Variants in CNTN4 observed in about 807,000 individuals in gnomAD.
CNTN4 encodes contactin 4.
CNTN4 carries 77 observed loss-of-function variants against 122.5 expected under a neutral mutation model. The observed-to-expected ratio is 0.63, with a 90% CI of 0.52 to 0.76. The LOEUF (loss-of-function observed/expected upper bound fraction) is 0.76, where lower values mean the gene tolerates loss of function less well. Among genes scored for constraint, CNTN4 ranks in the 30% least tolerant of loss-of-function variants. The pLI is 0.00. For missense variants in CNTN4, 1,256 were observed against 1,259.1 expected, an observed-to-expected ratio of 1.00 and a Z score of 0.04; for synonymous variants, 512 against 447.0, an observed-to-expected ratio of 1.15 and a Z score of -1.83.
At chr3:3,044,797 G>A (rs557898771) in intron 23 of CNTN4, among the ~76,000 whole-genome samples, 1 of 152,354 alleles carries the variant, frequency 6.6e-6, no homozygotes, top group East Asian at 1.9e-4. Flanking sequence ...AGCATAAGCT[G>A]AAGCAGGGCG....
At chr3:2,162,052 A>T (rs2035987444) in intron 2 of CNTN4, among the ~76,000 whole-genome samples, 1 of 152,156 alleles carries the variant, frequency 6.6e-6, no homozygotes, top group Admixed American at 6.5e-5. Flanking sequence ...AAATTTTTTA[A>T]TTTAGTTTTA....
intron 7 of CNTN4, among the ~76,000 whole-genome samples, chr3:2,834,586 G>T (rs2093174798): frequency 6.6e-6 from 1 of 151,972 alleles, no homozygotes; most frequent in Non-Finnish European, 1.5e-5. Flanking sequence ...ACAAACTACA[G>T]CAACAACAAA....
intron 3 of CNTN4, among the ~76,000 whole-genome samples, chr3:2,458,812 T>A (rs985976230): frequency 2.6e-5 from 4 of 152,178 alleles, no homozygotes; most frequent in African/African-American, 9.7e-5. Context: ...GTGGAGCTCA[T>A]AAATTTCTAG....
chr3:3,046,734 A>C (rs556140831), intron 23 of CNTN4, among the ~76,000 whole-genome samples: 13 of 152,202 alleles, frequency 8.5e-5, no homozygotes, highest in African/African-American at 2.2e-4. Context: ...CGAGCAAAAT[A>C]ACCAGCTAAC....
chr3:2,567,169 C>G (rs563928485), intron 3 of CNTN4, among the ~76,000 whole-genome samples: 224 of 151,096 alleles, frequency 1.5e-3, no homozygotes, highest in Middle Eastern at 6.9e-3. Context: ...TCACTGCAAC[C>G]TCCGCCTCCT....
At chr3:2,594,686 CTGGGATTACAGGCA>C (rs1173460548) in intron 4 of CNTN4, among the ~76,000 whole-genome samples, 1 of 152,064 alleles carries the variant, frequency 6.6e-6, no homozygotes, top group Non-Finnish European at 1.5e-5. Context: ...TCCCAAAGTG[CTGGGATTACAGGCA>C]TGAGCCACCG....
At chr3:2,661,708 A>G (rs150943705) in intron 4 of CNTN4, among the ~76,000 whole-genome samples, 1 of 149,222 alleles carries the variant, frequency 6.7e-6, no homozygotes, top group Non-Finnish European at 1.5e-5. Context: ...GCTGCTCAGG[A>G]GGCTGAGGCA....
chr3:2,629,169 TATA>T (rs1301246174), intron 4 of CNTN4, among the ~76,000 whole-genome samples: 1 of 152,014 alleles, frequency 6.6e-6, no homozygotes, highest in Non-Finnish European at 1.5e-5. Flanking sequence ...TTGCCGTCTT[TATA>T]ATAAGGGGAA....
At chr3:2,848,540 T>C (rs2093494309) in intron 7 of CNTN4, among the ~76,000 whole-genome samples, 1 of 152,226 alleles carries the variant, frequency 6.6e-6, no homozygotes, top group South Asian at 2.1e-4. Context: ...ATTCTTTTGG[T>C]TGCAAGTGCC....
At chr3:2,647,916 A>C (rs1200792201) in intron 4 of CNTN4, among the ~76,000 whole-genome samples, 1 of 152,212 alleles carries the variant, frequency 6.6e-6, no homozygotes, top group Non-Finnish European at 1.5e-5. Flanking sequence ...TTTGTTGTTA[A>C]ACCAATATGT....
chr3:2,834,841 T>C (rs2093181952), intron 7 of CNTN4, among the ~76,000 whole-genome samples: 1 of 151,026 alleles, frequency 6.6e-6, no homozygotes, highest in South Asian at 2.1e-4. Flanking sequence ...GGCAGAATTA[T>C]TAGTTTTAGA....
At position 2,463,469 on chromosome 3, in the gene CNTN4, G is replaced by A. The variant is rs376472473; in HGVS notation, c.-88-107947G>A. On this transcript the variant is annotated intron_variant, in intron 3 of 24. Coordinates refer to ENST00000418658, the MANE Select transcript of CNTN4 (RefSeq NM_175607.3). The stretch of plus-strand genomic sequence containing the variant: ...ATACTGTTTTTTGGTTCATGTGAAA[G>A]ATATTATTGGCCAGGTGCGGTGGCC... 4.6e-5 allele frequency among the ~76,000 whole-genome samples: 7 copies of A among 152,258 alleles called. No individual in the cohort carries two copies. In the South Asian group the frequency reaches 8.3e-4, roughly 18 times the overall value.
intron 2 of CNTN4, among the ~76,000 whole-genome samples, chr3:2,164,794 A>T (rs982986746): frequency 1.3e-5 from 2 of 152,180 alleles, no homozygotes; most frequent in Non-Finnish European, 2.9e-5. Flanking sequence ...CTCATGTTTG[A>T]CGGAAAAATG....
chr3:2,881,929 A>C (rs187042436), intron 8 of CNTN4, among the ~76,000 whole-genome samples: 207 of 152,342 alleles, frequency 1.4e-3, no homozygotes, highest in African/African-American at 4.7e-3. Context: ...CTATCTTTTT[A>C]TAGTAAGCCA....
At chr3:2,450,427 ATAGGAGC>A (rs1371748037) in intron 3 of CNTN4, among the ~76,000 whole-genome samples, 2 of 152,070 alleles carry the variant, frequency 1.3e-5, no homozygotes, top group Non-Finnish European at 2.9e-5. Context: ...AGGTGTGTGT[ATAGGAGC>A]TAGGAGATAG....
intron 7 of CNTN4, among the ~76,000 whole-genome samples, chr3:2,833,874 T>TCA (rs1440640006): frequency 1.3e-5 from 2 of 152,160 alleles, no homozygotes; most frequent in Non-Finnish European, 1.5e-5. Flanking sequence ...GCGAGGTGGC[T>TCA]CACACCTATA....
intron 3 of CNTN4, among the ~76,000 whole-genome samples, chr3:2,507,085 G>T (rs1489474040): frequency 6.6e-6 from 1 of 152,162 alleles, no homozygotes; most frequent in South Asian, 2.1e-4. Context: ...AAACAGTTTA[G>T]TACAGCTACT....
At chr3:2,819,265 T>C (rs777471263) in intron 6 of CNTN4, among the ~76,000 whole-genome samples, 2 of 152,116 alleles carry the variant, frequency 1.3e-5, no homozygotes, top group South Asian at 2.1e-4. Flanking sequence ...TAAATCTAAA[T>C]AGGCACGTGT....
At position 2,249,068 on chromosome 3, in the gene CNTN4, A is replaced by G. The variant is rs552601575; in HGVS notation, c.-144-90110A>G. Among the ~76,000 whole-genome samples, 6 of 152,106 alleles carry G rather than the reference A, an allele frequency of 3.9e-5. No homozygotes were observed. In the South Asian group the frequency reaches 6.2e-4, roughly 16 times the overall value. On this transcript the variant is annotated intron_variant, in intron 2 of 24. Coordinates refer to ENST00000418658, the MANE Select transcript of CNTN4 (RefSeq NM_175607.3). ...AAAATTGTACCCTGACCTCATTACT[A>G]TACATTACATATATTGAAACATCAC...
Sources: allele counts gnomAD v4.1 joint callset (sites outside exome capture counted in the v4.1 genomes callset), GRCh38; gene constraint gnomAD v4.1.1; transcripts MANE v1.5; gene names NCBI Gene and HGNC (gene_info 2026-07-23, HGNC 2026-07-21).